LRRC37A2: variants seen among roughly 807,000 people sequenced by gnomAD.
LRRC37A2 encodes the protein leucine-rich repeat-containing protein 37A2.
LRRC37A2 carries 9 observed loss-of-function variants against 68.8 expected under a neutral mutation model. The observed-to-expected ratio is 0.13, with a 90% CI of 0.08 to 0.23. The LOEUF is 0.23. Ranked by LOEUF, LRRC37A2 falls within the 10% of genes least tolerant of loss-of-function variation. LRRC37A2 has a pLI of 1.00. For synonymous variants in LRRC37A2, 63 were observed against 367.6 expected (o/e 0.17, Z 9.48); for missense variants, 168 against 950.4 (o/e 0.18, Z 10.82).
the LRRC37A2 span, among the ~76,000 whole-genome samples, chr17:46,807,021 CA>C: frequency 1.3e-5 from 2 of 152,058 alleles, no homozygotes; most frequent in African/African-American, 2.4e-5. Context: ...TGAAGGGAGC[CA>C]GGGGTAGGGG....
the LRRC37A2 span, among the ~76,000 whole-genome samples, chr17:47,022,442 T>C: frequency 6.6e-6 from 1 of 150,912 alleles, no homozygotes; most frequent in African/African-American, 2.4e-5. Flanking sequence ...AGTGTTCATA[T>C]TACAGGCATG....
chr17:47,018,210 C>G, the LRRC37A2 span: 1 of 1,612,154 alleles, frequency 6.2e-7, no homozygotes. Context: ...TGCAACCCAA[C>G]AGGAGGCCCC....
At chr17:47,034,370 C>T in the LRRC37A2 span, among the ~76,000 whole-genome samples, 46 of 152,108 alleles carry the variant, frequency 3.0e-4, no homozygotes, top group Non-Finnish European at 5.7e-4. Flanking sequence ...AGGATAATAT[C>T]GAATGGCCCT....
At chr17:46,837,781 T>A in the LRRC37A2 span, among the ~76,000 whole-genome samples, 1 of 152,340 alleles carries the variant, frequency 6.6e-6, no homozygotes, top group Non-Finnish European at 1.5e-5. Flanking sequence ...ACCTGGTATA[T>A]GCCTTCAGGG....
the LRRC37A2 span, among the ~76,000 whole-genome samples, chr17:46,816,234 A>G: frequency 1.3e-5 from 2 of 151,608 alleles, no homozygotes; most frequent in African/African-American, 4.9e-5. Context: ...TACATGGGCA[A>G]AGATACTTCT....
the LRRC37A2 span, among the ~76,000 whole-genome samples, chr17:46,891,966 C>T: frequency 4.3e-5 from 6 of 140,328 alleles, no homozygotes; most frequent in East Asian, 1.2e-3. Flanking sequence ...GTCACCCAGC[C>T]TGGAGTGCAG....
At chr17:46,799,529 C>A in the LRRC37A2 span, among the ~76,000 whole-genome samples, 3 of 151,182 alleles carry the variant, frequency 2.0e-5, no homozygotes, top group East Asian at 5.8e-4. Flanking sequence ...CTAACTGCAA[C>A]CTCCGCCTCC....
the LRRC37A2 span, among the ~76,000 whole-genome samples, chr17:46,902,568 C>T: frequency 6.6e-6 from 1 of 151,322 alleles, no homozygotes; most frequent in Admixed American, 6.6e-5. Flanking sequence ...AAACAAGGAG[C>T]AGTTTGTGGC....
chr17:46,892,928 C>A, the LRRC37A2 span, among the ~76,000 whole-genome samples: 22 of 151,642 alleles, frequency 1.5e-4, no homozygotes, highest in Admixed American at 1.4e-3. Context: ...ACTACCTGAC[C>A]TTTCTTTTTC....
chr17:47,020,781 C>CAAAAAAAAAAAAAAAAAAAAAAAAA, the LRRC37A2 span, among the ~76,000 whole-genome samples: 13 of 20,112 alleles, frequency 6.5e-4, no homozygotes, highest in Admixed American at 8.1e-4. Context: ...GACTCCATCT[C>CAAAAAAAAAAAAAAAAAAAAAAAAA]AAAAAAAAAA....
the LRRC37A2 span, among the ~76,000 whole-genome samples, chr17:46,913,976 C>T: frequency 7.2e-4 from 110 of 152,172 alleles, 1 homozygote; most frequent in East Asian, 0.02. Context: ...CTAGACTGGT[C>T]GCAAACTCCT....
chr17:46,537,100 TTTTTTTG>T (rs1567961962), intron 6 of LRRC37A2, among the ~76,000 whole-genome samples: 3 of 61,140 alleles, frequency 4.9e-5, no homozygotes, highest in African/African-American at 2.3e-4. Context: ...TTTTTTTTTT[TTTTTTTG>T]CTATTTTTTT....
At chr17:46,988,437 C>T in the LRRC37A2 span, among the ~76,000 whole-genome samples, 1 of 152,138 alleles carries the variant, frequency 6.6e-6, no homozygotes, top group Non-Finnish European at 1.5e-5. Context: ...GCCAAAATTG[C>T]CAAGACATTG....
the LRRC37A2 span, among the ~76,000 whole-genome samples, chr17:46,827,850 C>T: frequency 6.7e-6 from 1 of 148,926 alleles, no homozygotes; most frequent in Admixed American, 6.7e-5. Context: ...TGCTCTGTCT[C>T]CCAGGCTGGA....
the LRRC37A2 span, among the ~76,000 whole-genome samples, chr17:46,708,373 T>C: frequency 6.6e-6 from 1 of 152,194 alleles, no homozygotes; most frequent in Non-Finnish European, 1.5e-5. Context: ...GTTTTTTTGG[T>C]AGTAGCCATC....
the LRRC37A2 span, chr17:46,966,881 C>T: frequency 1.2e-5 from 5 of 403,036 alleles, no homozygotes; most frequent in Non-Finnish European, 2.2e-5. Flanking sequence ...GGCCATTATG[C>T]TAATTAGCAC....
chr17:46,950,712 G>A, the LRRC37A2 span, among the ~76,000 whole-genome samples: 1 of 152,146 alleles, frequency 6.6e-6, no homozygotes, highest in Admixed American at 6.5e-5. Flanking sequence ...GGCTTGAGAG[G>A]GCAGGGACTG....
chr17:46,418,293 C>T, the LRRC37A2 span, among the ~76,000 whole-genome samples: 3 of 64,642 alleles, frequency 4.6e-5, no homozygotes, highest in African/African-American at 7.6e-5. Flanking sequence ...TCTTACTAGG[C>T]GTAATCAAGT....
chr17:46,858,594 C>T, the LRRC37A2 span, among the ~76,000 whole-genome samples: 1 of 152,060 alleles, frequency 6.6e-6, no homozygotes, highest in Non-Finnish European at 1.5e-5. Flanking sequence ...GTGATAAAAA[C>T]ATAATAACTA....
Sources: allele counts gnomAD v4.1 joint callset (sites outside exome capture counted in the v4.1 genomes callset), GRCh38; gene constraint gnomAD v4.1.1; transcripts MANE v1.5; gene names NCBI Gene and HGNC (gene_info 2026-07-23, HGNC 2026-07-21).